Variants in RADIL observed in about 807,000 individuals in gnomAD.
RADIL encodes the protein Rap associating with DIL domain.
A neutral mutation model predicts 97.6 loss-of-function variants in RADIL; 99 were observed. The observed-to-expected ratio is 1.01, with a 90% CI of 0.86 to 1.20. The LOEUF (loss-of-function observed/expected upper bound fraction) is 1.20. RADIL is among the 50% of genes most tolerant of loss of function. The probability of loss-of-function intolerance (pLI) is 0.00; values close to 1 mark genes in which losing one functional copy is unlikely to be tolerated. For missense variants in RADIL, 1,765 were observed against 1,498.9 expected, an observed-to-expected ratio of 1.18 and a Z score of -2.93; for synonymous variants, 803 against 691.8, an observed-to-expected ratio of 1.16 and a Z score of -2.52.
intron 9 of RADIL, among the ~76,000 whole-genome samples, chr7:4,808,176 ATCT>A (rs1338117091): frequency 2.0e-5 from 2 of 102,490 alleles, no homozygotes; most frequent in East Asian, 2.7e-4. Context: ...CTCTCCCTGT[ATCT>A]TCTTCTGCCT....
rs778018913 is a variant in RADIL, at chr7:4,834,604, G to T, written c.1416+3C>A. 1 of 1,334,852 alleles carries T rather than the reference G, an allele frequency of 7.5e-7. No homozygotes were observed. Among genetic ancestry groups the T allele is most frequent in the South Asian group, 2.7e-5 (1 of 37,384 alleles). 82.7% of individuals were successfully genotyped at this position (1,334,852 alleles called of 1,614,324 possible). On this transcript the variant is annotated splice_donor_region_variant and intron_variant, in intron 4 of 14. Transcript: ENST00000399583. This position sits in a 1 kb window ranked among gnomAD's most constrained non-coding sequence, Gnocchi z 6.0. Reference sequence around the variant, plus strand: ...CCCAGACCGCCCACCCCAGCACACTGACCCAGACAGTCTCGCGGATCAGCC... The same window carrying T: ...CCCAGACCGCCCACCCCAGCACACTTACCCAGACAGTCTCGCGGATCAGCC...
At chr7:4,830,688 AC>A (rs1165262575) in intron 5 of RADIL, among the ~76,000 whole-genome samples, 1 of 151,936 alleles carries the variant, frequency 6.6e-6, no homozygotes, top group Non-Finnish European at 1.5e-5. Flanking sequence ...GACCAGCCTC[AC>A]CAACATGGAG....
intron 6 of RADIL, among the ~76,000 whole-genome samples, chr7:4,820,997 C>T (rs972394066): frequency 4.6e-5 from 7 of 152,214 alleles, no homozygotes; most frequent in African/African-American, 1.4e-4. Flanking sequence ...TTGTGTCCTC[C>T]GGGCTGTCTC....
At chr7:4,859,569 T>A (rs767130602) in intron 2 of RADIL, 1 of 248,690 alleles carries the variant, frequency 4.0e-6, no homozygotes, top group Non-Finnish European at 7.8e-6. Flanking sequence ...CTATTTCAAG[T>A]CATATCTAGT....
chr7:4,859,410 G>A (rs1480678782), intron 2 of RADIL: 92 of 156,118 alleles, frequency 5.9e-4, no homozygotes. Flanking sequence ...TAGCTGAAAG[G>A]TTTTTTCATT....
chr7:4,820,442 G>A (rs1194529247), intron 6 of RADIL, among the ~76,000 whole-genome samples: 1 of 152,230 alleles, frequency 6.6e-6, no homozygotes, highest in Non-Finnish European at 1.5e-5. Context: ...CTAGGCCCAG[G>A]CCCCATGGAC....
chr7:4,803,724 G>A lies in RADIL; in HGVS notation c.2321C>T (p.Pro774Leu), dbSNP rs766850553. 15 of 1,567,040 alleles carry A rather than the reference G, an allele frequency of 9.6e-6. No individual in the cohort carries two copies. The highest frequency in any genetic ancestry group is 1.4e-5 in the African/African-American group (1 of 73,708). The change falls in exon 11 of 15, where the codon CCA becomes CTA. Residue 774 changes from proline (P) to leucine (L), a missense_variant. Transcript: ENST00000399583. ...EDVLESYENP[P>L]PIVLPSDGFQ... is the part of the protein sequence containing the mutation. ...GCCGTCGCTGGGCAGGACGATGGGTGGGGGGTTTTCGTAGGACTCCAGAAC... is the reference window on the plus strand; with the variant it reads ...GCCGTCGCTGGGCAGGACGATGGGTAGGGGGTTTTCGTAGGACTCCAGAAC...
At chr7:4,855,721 C>A (rs1472453591) in intron 2 of RADIL, among the ~76,000 whole-genome samples, 1 of 150,966 alleles carries the variant, frequency 6.6e-6, no homozygotes, top group African/African-American at 2.4e-5. Context: ...TGTTTATTGG[C>A]CGTTCCTAGC....
rs201106445 is a variant in RADIL at position 4,877,666 on chromosome 7, C to A, written c.474G>T (p.Glu158Asp). The A allele has an allele frequency of 6.3e-5, 102 of 1,613,820 alleles. No individual in the cohort carries two copies. Among genetic ancestry groups the A allele is most frequent in the Non-Finnish European group, 2.1e-5 (25 of 1,179,896 alleles). ...CCTCCACGTCCGACCTCTTCCTCAG[C>A]TCAAACCTCCGGGATAAACCTTCTC... is the stretch of plus-strand genomic sequence containing the variant. ...KPREGLSRRF[E>D]LRKRSDVEEL... The change falls in exon 2 of 15, where the codon GAG (glutamate) becomes GAT (aspartate). Residue 158 changes from glutamate (E) to aspartate (D), a missense_variant. Coordinates refer to ENST00000399583, the MANE Select transcript of RADIL (RefSeq NM_018059.5).
Position 4,872,581 on chromosome 7 carries a change from C to G in RADIL, c.535+5024G>C, listed in dbSNP as rs1300701215. ...CTCTGTGGGGCACCAGCCCTAAATACAGCCTTCTAGGAAAGGGGAGTGAGA... is the reference window on the plus strand; with the variant it reads ...CTCTGTGGGGCACCAGCCCTAAATAGAGCCTTCTAGGAAAGGGGAGTGAGA... On this transcript the variant is annotated intron_variant, in intron 2 of 14. Coordinates refer to ENST00000399583, the MANE Select transcript of RADIL (RefSeq NM_018059.5). This position sits in a 1 kb window ranked among gnomAD's most constrained non-coding sequence, Gnocchi z 5.8. Among the ~76,000 whole-genome samples the G allele has an allele frequency of 6.6e-6, 1 of 152,136 alleles. No homozygotes were observed. The highest frequency in any genetic ancestry group is 2.4e-5 in the African/African-American group (1 of 41,428).
intron 9 of RADIL, among the ~76,000 whole-genome samples, chr7:4,810,564 G>A (rs1782512312): frequency 6.6e-6 from 1 of 152,206 alleles, no homozygotes; most frequent in Non-Finnish European, 1.5e-5. Flanking sequence ...AATAGAATAT[G>A]GGTTTTTCCC....
intron 9 of RADIL, chr7:4,808,748 C>A: frequency 1.0e-6 from 1 of 967,546 alleles, no homozygotes; most frequent in South Asian, 4.9e-5. Context: ...GCGTCTCCTT[C>A]CAACGCCACT....
At chr7:4,881,381 C>A (rs896739077) in intron 1 of RADIL, among the ~76,000 whole-genome samples, 2 of 144,100 alleles carry the variant, frequency 1.4e-5, no homozygotes, top group Admixed American at 7.0e-5. Flanking sequence ...TGCCACTGCA[C>A]TCCAGCCTGG....
rs754769750 is a variant in RADIL at position 4,801,840 on chromosome 7, G to A, written c.2655C>T (p.Pro885=). The A allele has an allele frequency of 6.5e-5, 104 of 1,600,008 alleles. No individual in the cohort carries two copies. The highest frequency in any genetic ancestry group is 1.2e-4 in the Admixed American group (7 of 58,348). Residue 885 remains proline, a synonymous_variant, in exon 12 of 15, where the codon CCC becomes CCT. Transcript: ENST00000399583. ...GGCCAGCCTGGGAGCCCCCACGGCTGGGTTGCCTTCCAGGGGGGGCCTGTG... is the reference window on the plus strand; with the variant it reads ...GGCCAGCCTGGGAGCCCCCACGGCTAGGTTGCCTTCCAGGGGGGGCCTGTG... ...PWAQAPPGRQ[P]SRGGSQAGPP... is the part of the protein sequence containing the mutation.
At position 4,878,163 on chromosome 7, in the gene RADIL, G is replaced by T; in HGVS notation, c.-24C>A. The stretch of plus-strand genomic sequence containing the variant: ...ATGGTGGGTGAGGCTTCATGGATGA[G>T]GACTGTGGGCTTCAGCCAAAGGATG... On this transcript the variant is annotated 5_prime_UTR_variant, in exon 2 of 15. Coordinates refer to ENST00000399583, the MANE Select transcript of RADIL (RefSeq NM_018059.5). The surrounding 1 kb of genome is among the most constrained non-coding windows in gnomAD (Gnocchi z 4.1). 4 of 1,506,230 alleles carry T rather than the reference G, an allele frequency of 2.7e-6. No individual in the cohort carries two copies. The highest frequency in any genetic ancestry group is 3.5e-6 in the Non-Finnish European group (4 of 1,127,532). 93.3% of individuals were successfully genotyped at this position (1,506,230 alleles called of 1,614,324 possible). A position where few individuals can be genotyped will look rare whatever the true frequency, so the allele number is the denominator to read the frequency against.
At chr7:4,833,710 G>A (rs1172182450) in intron 4 of RADIL, among the ~76,000 whole-genome samples, 1 of 152,216 alleles carries the variant, frequency 6.6e-6, no homozygotes, top group Non-Finnish European at 1.5e-5. Flanking sequence ...AGACTAGCGA[G>A]GATCTGAGGG....
In RADIL at chr7:4,813,663, C is replaced by T. The variant is rs538634702; in HGVS notation, c.2139+1615G>A. 7.9e-5 allele frequency among the ~76,000 whole-genome samples: 12 copies of T among 152,366 alleles called. No homozygotes were observed. The South Asian group carries it at 2.1e-3, about 26-fold the overall frequency. On this transcript the variant is annotated intron_variant, in intron 9 of 14. Transcript: ENST00000399583. This position sits in a 1 kb window ranked among gnomAD's most constrained non-coding sequence, Gnocchi z 5.0. ...CCCCAGGGAAAAGCAACAGGAACTT[C>T]AGTCAGCTCTTTGTGGAGGCTCACT...
rs1320608046 is a variant in RADIL, at chr7:4,834,970, GTAGTA to G, written c.1048_1052del (p.Tyr350ProfsTer59). 8 of 1,610,072 alleles carry G rather than the reference GTAGTA, an allele frequency of 5.0e-6. No homozygotes were observed. The Admixed American group carries it at 1.2e-4, about 24-fold the overall frequency. On this transcript the variant is annotated frameshift_variant, in exon 4 of 15. Transcript: ENST00000399583. LOFTEE classifies it high-confidence loss of function. This position sits in a 1 kb window ranked among gnomAD's most constrained non-coding sequence, Gnocchi z 6.0. The stretch of plus-strand genomic sequence containing the variant: ...GCGCGGGGTCCTTGAATAGCAGCAG[GTAGTA>G]GAGCCCCAGGGAGAGCAGGTCCCCG...
intron 2 of RADIL, among the ~76,000 whole-genome samples, chr7:4,868,534 C>T (rs749371597): frequency 3.3e-5 from 5 of 152,220 alleles, no homozygotes; most frequent in Non-Finnish European, 7.3e-5. Flanking sequence ...ATCAGTGAAG[C>T]TAGCCTCCCC....
Sources: allele counts gnomAD v4.1 joint callset (sites outside exome capture counted in the v4.1 genomes callset), GRCh38; gene constraint gnomAD v4.1.1; non-coding constraint Gnocchi (gnomAD v3.1); transcripts MANE v1.5; gene names NCBI Gene and HGNC (gene_info 2026-07-23, HGNC 2026-07-21).